NALF1: variants seen among roughly 807,000 people sequenced by gnomAD.
The protein encoded by NALF1 is NALCN channel auxiliary factor 1.
Under a neutral mutation model 48.4 loss-of-function variants are expected in NALF1, and 3 were observed. The observed-to-expected ratio is 0.06, with a 90% CI of 0.03 to 0.16. The LOEUF (loss-of-function observed/expected upper bound fraction) is 0.16, where lower values mean the gene tolerates loss of function less well. NALF1 is among the 10% of genes least tolerant of loss of function. The pLI, the probability that NALF1 is intolerant of heterozygous loss-of-function variation, is 1.00. For synonymous variants in NALF1, 262 were observed against 245.7 expected, an observed-to-expected ratio of 1.07 and a Z score of -0.62; for missense variants, 526 against 571.5, an observed-to-expected ratio of 0.92 and a Z score of 0.81.
At chr13:107,693,466 T>C (rs1881620498) in intron 1 of NALF1, among the ~76,000 whole-genome samples, 1 of 151,980 alleles carries the variant, frequency 6.6e-6, no homozygotes, top group African/African-American at 2.4e-5. Context: ...GAACTTAAAG[T>C]ATAATAAAAA....
chr13:107,587,794 T>C (rs968537552), intron 1 of NALF1, among the ~76,000 whole-genome samples: 2 of 152,172 alleles, frequency 1.3e-5, no homozygotes, highest in African/African-American at 4.8e-5. Context: ...TTGTCCATAA[T>C]TTTGTTTTCA....
In NALF1 at chr13:107,841,900, A is replaced by C. The variant is rs569959114; in HGVS notation, c.915+23782T>G. Among the ~76,000 whole-genome samples the C allele has an allele frequency of 2.0e-5, 3 of 152,180 alleles. No homozygotes were observed. The East Asian group carries it at 5.8e-4, about 29-fold the overall frequency. ...ATCATACGGAGAAATATGCATCTAT[A>C]TATAATTACTATTATTTTAGAAATA... On this transcript the variant is annotated intron_variant, in intron 1 of 2. Transcript: ENST00000375915.
chr13:107,170,715 TA>T lies in NALF1; in HGVS notation c.1158del (p.Asn386LysfsTer8), dbSNP rs1415044865. 1 of 1,614,212 alleles carries T rather than the reference TA, an allele frequency of 6.2e-7. No homozygotes were observed. The highest frequency in any genetic ancestry group is 1.7e-5 in the Admixed American group (1 of 60,024). On this transcript the variant is annotated frameshift_variant, in exon 3 of 3. Transcript: ENST00000375915. LOFTEE classifies it high-confidence loss of function. ...CCDVRREEKS[N>X]NPSKGTVEKS... is the part of the protein sequence containing the mutation. ...TTCTCTACGGTCCCTTTGGATGGGT[TA>T]TTTGATTTTTCTTCTCTCCTGACGT...
In NALF1 at chr13:107,822,248, T is replaced by C. The variant is rs565130820; in HGVS notation, c.915+43434A>G. Among the ~76,000 whole-genome samples, 6 of 152,002 alleles carry C rather than the reference T, an allele frequency of 3.9e-5. No individual in the cohort carries two copies. In the South Asian group the frequency reaches 1.2e-3, roughly 32 times the overall value. ...TGACTTCCATTCCTTTTTAAGAAAATGCACTTGTGTGGTGGAGCTACACCA... is the reference window on the plus strand; with the variant it reads ...TGACTTCCATTCCTTTTTAAGAAAACGCACTTGTGTGGTGGAGCTACACCA... On this transcript the variant is annotated intron_variant, in intron 1 of 2. Coordinates refer to ENST00000375915, the MANE Select transcript of NALF1 (RefSeq NM_001080396.3).
intron 1 of NALF1, among the ~76,000 whole-genome samples, chr13:107,395,513 G>A (rs149111074): frequency 1.6e-4 from 24 of 152,144 alleles, no homozygotes; most frequent in South Asian, 4.2e-4. Context: ...CAGCTGGGTC[G>A]TCGAGAAGTG....
chr13:107,222,188 C>A (rs1482960352), intron 1 of NALF1, among the ~76,000 whole-genome samples: 1 of 152,122 alleles, frequency 6.6e-6, no homozygotes, highest in Non-Finnish European at 1.5e-5. Flanking sequence ...CTAGAAGTAA[C>A]CGCCGCCTCC....
intron 1 of NALF1, among the ~76,000 whole-genome samples, chr13:107,678,281 AG>A (rs1457942430): frequency 6.6e-6 from 1 of 152,170 alleles, no homozygotes; most frequent in Non-Finnish European, 1.5e-5. Flanking sequence ...TATGGCCGGC[AG>A]GAGGTGTGTG....
Position 107,724,570 on chromosome 13 carries a change from G to A in NALF1, c.915+141112C>T, listed in dbSNP as rs185365195. On this transcript the variant is annotated intron_variant, in intron 1 of 2. Coordinates refer to ENST00000375915, the MANE Select transcript of NALF1 (RefSeq NM_001080396.3). ...TCCCTCCCTCCCTTCCTTTTACTTT[G>A]CTCGTTTTTGAGACAGGGTCTCACT... Among the ~76,000 whole-genome samples the A allele has an allele frequency of 4.0e-3, 254 of 63,180 alleles. 2 individuals carry two copies. Among genetic ancestry groups the A allele is most frequent in the Middle Eastern group, 0.018 (2 of 112 alleles). 41.4% of individuals were successfully genotyped at this position (63,180 alleles called of 152,430 possible). A position where few individuals can be genotyped will look rare whatever the true frequency, so the allele number is the denominator to read the frequency against.
chr13:107,239,227 G>C (rs545265476), intron 1 of NALF1, among the ~76,000 whole-genome samples: 68 of 152,288 alleles, frequency 4.5e-4, no homozygotes, highest in African/African-American at 1.6e-3. Flanking sequence ...CACAGTTATG[G>C]ATGCTAGAAG....
At position 107,324,782 on chromosome 13, in the gene NALF1, A is replaced by C. The variant is rs185282654; in HGVS notation, c.916-114027T>G. 3.9e-4 allele frequency among the ~76,000 whole-genome samples: 59 copies of C among 152,348 alleles called. No individual in the cohort carries two copies. The South Asian group carries it at 0.011, about 29-fold the overall frequency. The stretch of plus-strand genomic sequence containing the variant: ...AGTTTTTATTACTTGTAAAGAAATT[A>C]TAATTCATTACAAAAGAGCTGAAGT... On this transcript the variant is annotated intron_variant, in intron 1 of 2. Coordinates refer to ENST00000375915, the MANE Select transcript of NALF1 (RefSeq NM_001080396.3).
intron 1 of NALF1, among the ~76,000 whole-genome samples, chr13:107,304,083 T>C (rs1366805270): frequency 3.9e-5 from 6 of 152,320 alleles, no homozygotes; most frequent in Admixed American, 1.3e-4. Context: ...CACAAGTGGA[T>C]AATTGTGAGT....
chr13:107,389,540 C>G (rs1034144184), intron 1 of NALF1, among the ~76,000 whole-genome samples: 1 of 152,106 alleles, frequency 6.6e-6, no homozygotes, highest in Non-Finnish European at 1.5e-5. Flanking sequence ...AAATTTCTGG[C>G]CTCCAGAAAT....
chr13:107,556,272 C>CAT (rs56407804), intron 1 of NALF1, among the ~76,000 whole-genome samples: 2,045 of 131,280 alleles, frequency 0.016, 43 homozygotes, highest in African/African-American at 0.054. Context: ...TCTCTCTCAA[C>CAT]ATATATATAT....
intron 1 of NALF1, among the ~76,000 whole-genome samples, chr13:107,491,699 G>A (rs550847504): frequency 2.4e-4 from 36 of 152,118 alleles, no homozygotes; most frequent in Non-Finnish European, 4.4e-4. Flanking sequence ...TCTTGTTTGT[G>A]CCATATTCTC....
chr13:107,706,918 C>T (rs370115029), intron 1 of NALF1, among the ~76,000 whole-genome samples: 137 of 101,232 alleles, frequency 1.4e-3, no homozygotes, highest in Middle Eastern at 0.017. Flanking sequence ...CAAGGGCATT[C>T]TTTTTTTTTT....
At chr13:107,254,407 C>T (rs1440145094) in intron 1 of NALF1, among the ~76,000 whole-genome samples, 1 of 152,192 alleles carries the variant, frequency 6.6e-6, no homozygotes, top group African/African-American at 2.4e-5. Context: ...ATGGCACGAT[C>T]TGCAGGGCTG....
intron 1 of NALF1, among the ~76,000 whole-genome samples, chr13:107,223,593 T>C (rs1023550230): frequency 6.6e-6 from 1 of 152,222 alleles, no homozygotes; most frequent in African/African-American, 2.4e-5. Flanking sequence ...CAAATGAAGA[T>C]ACACAGTTAA....
At chr13:107,797,955 A>G (rs1878484102) in intron 1 of NALF1, among the ~76,000 whole-genome samples, 6 of 152,190 alleles carry the variant, frequency 3.9e-5, no homozygotes, top group Admixed American at 2.6e-4. Flanking sequence ...CTACATTTAA[A>G]AAATTTGAAA....
intron 1 of NALF1, among the ~76,000 whole-genome samples, chr13:107,520,172 A>G (rs1876190431): frequency 6.6e-6 from 1 of 152,188 alleles, no homozygotes; most frequent in African/African-American, 2.4e-5. Flanking sequence ...GGGGGTTCAG[A>G]GAAATATAAT....
Sources: gnomAD v4.1 joint callset for allele counts (sites outside exome capture counted in the v4.1 genomes callset) on GRCh38, gnomAD v4.1.1 for gene constraint, MANE v1.5 for transcripts, NCBI Gene and HGNC (gene_info 2026-07-23, HGNC 2026-07-21) for gene names.